HECW1: variants seen among roughly 807,000 people sequenced by gnomAD.
HECW1 encodes the protein E3 ubiquitin-protein ligase HECW1.
A neutral mutation model predicts 182.3 loss-of-function variants in HECW1; 61 were observed. The ratio of observed to expected loss-of-function variants is 0.33; its 90% CI spans 0.27 to 0.41. The LOEUF (loss-of-function observed/expected upper bound fraction) is 0.41, where lower values mean the gene tolerates loss of function less well. Ranked by LOEUF, HECW1 falls within the 10% of genes least tolerant of loss-of-function variation. The pLI is 1.00. For synonymous variants in HECW1, 859 were observed against 832.6 expected (o/e 1.03, Z -0.55); for missense variants, 1,739 against 2,108.9 (o/e 0.82, Z 3.44).
At chr7:43,258,235 C>T (rs751283354) in intron 3 of HECW1, among the ~76,000 whole-genome samples, 2 of 151,510 alleles carry the variant, frequency 1.3e-5, no homozygotes, top group African/African-American at 2.4e-5. Flanking sequence ...CCCAGCTACT[C>T]GGGAGGCTAA....
chr7:43,495,634 T>A (rs1585086946), intron 19 of HECW1, among the ~76,000 whole-genome samples: 2 of 152,314 alleles, frequency 1.3e-5, no homozygotes, highest in East Asian at 3.9e-4. Flanking sequence ...GAAAGATCTT[T>A]AGCATGAACA....
chr7:43,467,822 T>C (rs1324279681), intron 15 of HECW1, among the ~76,000 whole-genome samples: 2 of 152,102 alleles, frequency 1.3e-5, no homozygotes, highest in Non-Finnish European at 2.9e-5. Flanking sequence ...AGTGAGGCAG[T>C]GACCGCACTA....
intron 2 of HECW1, among the ~76,000 whole-genome samples, chr7:43,226,117 C>A (rs1013092815): frequency 6.6e-6 from 1 of 152,000 alleles, no homozygotes; most frequent in Non-Finnish European, 1.5e-5. Context: ...TTTTTAGATG[C>A]CTACATGAAA....
intron 5 of HECW1, among the ~76,000 whole-genome samples, chr7:43,336,668 C>T (rs75316721): frequency 0.01 from 1,525 of 152,174 alleles, 24 homozygotes; most frequent in African/African-American, 0.035. Context: ...GAATATTGAA[C>T]TCAATAAGTA....
chr7:43,377,273 T>A (rs2074369760), intron 6 of HECW1, among the ~76,000 whole-genome samples: 1 of 152,218 alleles, frequency 6.6e-6, no homozygotes, highest in South Asian at 2.1e-4. Flanking sequence ...TCTTGCTCTA[T>A]GAGGACAGGG....
Position 43,298,291 on chromosome 7 carries a change from G to A in HECW1, c.28-13472G>A, listed in dbSNP as rs150183994. On this transcript the variant is annotated intron_variant, in intron 3 of 29. Coordinates refer to ENST00000395891, the MANE Select transcript of HECW1 (RefSeq NM_015052.5). ...ATTTGGAGTTATTAAATTTTCACGC[G>A]AATAAGTCCTAAATCTCCAGGGCAG... Among the ~76,000 whole-genome samples the A allele has an allele frequency of 2.4e-3, 358 of 152,252 alleles. 2 individuals are homozygous for A. The highest frequency in any genetic ancestry group is 4.8e-3 in the Admixed American group (73 of 15,296).
chr7:43,117,916 T>G (rs1165603495), intron 2 of HECW1: 2 of 152,612 alleles, frequency 1.3e-5, no homozygotes, highest in Non-Finnish European at 2.9e-5. Context: ...CTTTTCCTGA[T>G]TTATTGGTCT....
chr7:43,120,165 T>A, intron 2 of HECW1, among the ~76,000 whole-genome samples: 1 of 152,296 alleles, frequency 6.6e-6, no homozygotes, highest in East Asian at 1.9e-4. Context: ...TTACTTTGCC[T>A]ACAGGGCTTG....
intron 24 of HECW1, among the ~76,000 whole-genome samples, chr7:43,527,967 A>C (rs1237262427): frequency 2.0e-5 from 3 of 152,260 alleles, no homozygotes; most frequent in Non-Finnish European, 4.4e-5. Context: ...AGACAACGGT[A>C]AAATAGCTAG....
At chr7:43,550,858 G>A (rs73100769) in intron 27 of HECW1, among the ~76,000 whole-genome samples, 24,223 of 152,240 alleles carry the variant, frequency 0.16, 2,530 homozygotes, top group Non-Finnish European at 0.24. Context: ...TGACCCTGGC[G>A]TGCCAGACGT....
At chr7:43,280,554 A>C (rs756981888) in intron 3 of HECW1, among the ~76,000 whole-genome samples, 2 of 152,204 alleles carry the variant, frequency 1.3e-5, no homozygotes, top group African/African-American at 2.4e-5. Context: ...GGTGAGCAGA[A>C]ATACAAGGAG....
At chr7:43,517,872 C>T (rs754769258) in intron 24 of HECW1, among the ~76,000 whole-genome samples, 18 of 152,132 alleles carry the variant, frequency 1.2e-4, no homozygotes, top group African/African-American at 1.2e-4. Flanking sequence ...ATAGAATGTA[C>T]GGGATTGGTT....
At chr7:43,272,821 G>A (rs188569627) in intron 3 of HECW1, among the ~76,000 whole-genome samples, 185 of 152,268 alleles carry the variant, frequency 1.2e-3, no homozygotes, top group African/African-American at 4.2e-3. Context: ...ATTACTCTGT[G>A]TATTTCCAAA....
chr7:43,507,601 G>GA (rs1397804497), intron 22 of HECW1, among the ~76,000 whole-genome samples: 2 of 152,016 alleles, frequency 1.3e-5, no homozygotes, highest in Admixed American at 1.3e-4. Flanking sequence ...TTATTCTTGG[G>GA]AAAAAAATTT....
chr7:43,491,630 C>G (rs867889998), intron 17 of HECW1, among the ~76,000 whole-genome samples: 1 of 152,010 alleles, frequency 6.6e-6, no homozygotes, highest in South Asian at 2.1e-4. Context: ...TGAAACAGAG[C>G]CTTCCTCTGT....
chr7:43,449,113 T>G (rs1481402803), intron 11 of HECW1, among the ~76,000 whole-genome samples: 1 of 152,238 alleles, frequency 6.6e-6, no homozygotes, highest in East Asian at 1.9e-4. Flanking sequence ...TTGCATTAAT[T>G]TCAAGAGGTA....
chr7:43,261,590 G>A (rs1335926458), intron 3 of HECW1, among the ~76,000 whole-genome samples: 1 of 152,140 alleles, frequency 6.6e-6, no homozygotes. Flanking sequence ...ATGTGGCACG[G>A]ACTCCACCCC....
At chr7:43,362,857 C>T (rs949113067) in intron 6 of HECW1, among the ~76,000 whole-genome samples, 3 of 152,360 alleles carry the variant, frequency 2.0e-5, no homozygotes, top group African/African-American at 7.2e-5. Context: ...ATGAGGCAGA[C>T]ACAAGGATCC....
chr7:43,234,067 G>A (rs530217416), intron 2 of HECW1, among the ~76,000 whole-genome samples: 1 of 152,288 alleles, frequency 6.6e-6, no homozygotes, highest in African/African-American at 2.4e-5. Context: ...TGCAATATAC[G>A]GGTTGCTAAA....
Sources: gnomAD v4.1 joint callset for allele counts (sites outside exome capture counted in the v4.1 genomes callset) on GRCh38, gnomAD v4.1.1 for gene constraint, MANE v1.5 for transcripts, NCBI Gene and HGNC (gene_info 2026-07-23, HGNC 2026-07-21) for gene names.